The following ZNF410 variants were observed in gnomAD, a reference collection of about 807,000 sequenced individuals.
ZNF410 encodes another partner for ARF 1.
Under a neutral mutation model 54.8 loss-of-function variants are expected in ZNF410, and 18 were observed. The ratio of observed to expected loss-of-function variants is 0.33; its 90% CI spans 0.23 to 0.49. The LOEUF is 0.49. Among genes scored for constraint, ZNF410 ranks in the 20% least tolerant of loss-of-function variants. ZNF410 has a pLI of 0.99. For synonymous variants in ZNF410, 191 were observed against 207.3 expected (o/e 0.92, Z 0.68); for missense variants, 405 against 569.6 (o/e 0.71, Z 2.94).
In ZNF410 at chr14:73,932,147, CT is replaced by C. The variant is rs1566671009; in HGVS notation, c.*609del. On this transcript the variant is annotated 3_prime_UTR_variant, in exon 12 of 12. Transcript: ENST00000555044. ...TGTCCTATACACTTCTACTTGGTCA[CT>C]TTGCTTTCTTCGTTAATGGAACATA... 2.7e-6 allele frequency: 1 copy of C among 374,544 alleles called. No individual in the cohort carries two copies. The allele number at this position is 374,544 out of a possible 1,614,324, so 23.2% of individuals were successfully genotyped here. A position where few individuals can be genotyped will look rare whatever the true frequency, so the allele number is the denominator to read the frequency against.
chr14:73,919,965 A>G lies in ZNF410; in HGVS notation c.1004-1015A>G, dbSNP rs561321154. On this transcript the variant is annotated intron_variant, in intron 8 of 11. Coordinates refer to ENST00000555044, the MANE Select transcript of ZNF410 (RefSeq NM_021188.3). ...GCTTTTTAGTCAGTCTCTGTGATGA[A>G]TATTTACGTTGTTTCCAGTATTTAG... Among the ~76,000 whole-genome samples, 19 of 137,248 alleles carry G rather than the reference A, an allele frequency of 1.4e-4. No individual in the cohort carries two copies. The East Asian group carries it at 4.0e-3, about 29-fold the overall frequency. 90.0% of individuals were successfully genotyped at this position (137,248 alleles called of 152,430 possible).
chr14:73,903,087 C>A (rs1195044420), intron 5 of ZNF410, among the ~76,000 whole-genome samples: 3 of 152,208 alleles, frequency 2.0e-5, no homozygotes, highest in Non-Finnish European at 4.4e-5. Flanking sequence ...AGAGCCCACA[C>A]TGAACCAGAA....
At chr14:73,908,906 A>G (rs1342425371) in intron 7 of ZNF410, among the ~76,000 whole-genome samples, 1 of 152,140 alleles carries the variant, frequency 6.6e-6, no homozygotes, top group African/African-American at 2.4e-5. Context: ...GGAATTTGAG[A>G]TCAGCCTGGG....
At chr14:73,910,225 C>T (rs114117668) in intron 8 of ZNF410, among the ~76,000 whole-genome samples, 217 of 152,256 alleles carry the variant, frequency 1.4e-3, no homozygotes, top group African/African-American at 5.0e-3. Flanking sequence ...ACTTGGCTTA[C>T]TGAAGATTTA....
intron 2 of ZNF410, chr14:73,893,239 C>T (rs888142168): frequency 6.6e-6 from 1 of 152,130 alleles, no homozygotes; most frequent in African/African-American, 2.4e-5. Flanking sequence ...CTCTGTTTGA[C>T]AGAAGGTGGC....
intron 3 of ZNF410, chr14:73,894,459 T>TCGCC (rs1382426797): frequency 4.3e-6 from 3 of 698,250 alleles, no homozygotes; most frequent in Non-Finnish European, 7.8e-6. Flanking sequence ...TGTCACTCTG[T>TCGCC]CGCCCAGGCT....
At chr14:73,894,021 A>C (rs1566650849) in intron 3 of ZNF410, 89 bp downstream of exon 3, 4 of 1,473,140 alleles carry the variant, frequency 2.7e-6, no homozygotes, top group Non-Finnish European at 3.6e-6. Flanking sequence ...ATATCGTTTA[A>C]TAACTGACTG....
chr14:73,932,215 A>AAGTT lies in ZNF410; in HGVS notation c.*676_*679dup. On this transcript the variant is annotated 3_prime_UTR_variant, in exon 12 of 12. Transcript: ENST00000555044. ...GGGATTTCATGTTTTTGTTTTTTTA[A>AAGTT]AGTTAAAAATTACATGATGCAGAGA... 1 of 336,170 alleles carries AAGTT rather than the reference A, an allele frequency of 3.0e-6. No individual in the cohort carries two copies. Among genetic ancestry groups the AAGTT allele is most frequent in the Non-Finnish European group, 5.8e-6 (1 of 173,582 alleles). The allele number at this position is 336,170 out of a possible 1,614,324, so 20.8% of individuals were successfully genotyped here.
intron 11 of ZNF410, among the ~76,000 whole-genome samples, chr14:73,929,807 A>G (rs2055884746): frequency 6.6e-6 from 1 of 150,716 alleles, no homozygotes; most frequent in African/African-American, 2.5e-5. Flanking sequence ...ACAGAGCCAA[A>G]CTCTTTAAAA....
chr14:73,898,641 T>A lies in ZNF410; in HGVS notation c.580+379T>A, dbSNP rs192158323. On this transcript the variant is annotated intron_variant, in intron 5 of 11. Coordinates refer to ENST00000555044, the MANE Select transcript of ZNF410 (RefSeq NM_021188.3). ...TGAAATCAAAACAGTTTTTATCAGTTAATAGGAATAAAACTACCAAATCCA... is the reference window on the plus strand; with the variant it reads ...TGAAATCAAAACAGTTTTTATCAGTAAATAGGAATAAAACTACCAAATCCA... 94 of 293,444 alleles carry A rather than the reference T, an allele frequency of 3.2e-4. No individual in the cohort carries two copies. In the East Asian group the frequency reaches 5.7e-3, roughly 18 times the overall value. 18.2% of individuals were successfully genotyped at this position (293,444 alleles called of 1,614,324 possible).
At chr14:73,892,997 G>A (rs1234295714) in intron 2 of ZNF410, among the ~76,000 whole-genome samples, 2 of 152,150 alleles carry the variant, frequency 1.3e-5, no homozygotes, top group Non-Finnish European at 2.9e-5. Flanking sequence ...CAGGAGAATG[G>A]CGTGAACCCA....
intron 8 of ZNF410, 131 bp downstream of exon 8, chr14:73,909,561 C>T (rs1302821712): frequency 6.0e-6 from 4 of 665,390 alleles, no homozygotes; most frequent in Non-Finnish European, 7.5e-6. Flanking sequence ...TTCTCATCAT[C>T]ATGACAGAAT....
intron 5 of ZNF410, among the ~76,000 whole-genome samples, chr14:73,899,228 C>T (rs2055368732): frequency 6.6e-6 from 1 of 151,506 alleles, no homozygotes; most frequent in Non-Finnish European, 1.5e-5. Context: ...AACTAGAGTT[C>T]CCTATGAATA....
chr14:73,921,773 G>A (rs773259168), intron 9 of ZNF410, among the ~76,000 whole-genome samples: 10 of 151,938 alleles, frequency 6.6e-5, no homozygotes, highest in South Asian at 4.2e-4. Flanking sequence ...TTATTCCTTC[G>A]CCATATCTTT....
intron 4 of ZNF410, among the ~76,000 whole-genome samples, chr14:73,896,773 G>A (rs2055324181): frequency 6.6e-6 from 1 of 152,132 alleles, no homozygotes; most frequent in African/African-American, 2.4e-5. Context: ...GAAGAGCAAG[G>A]CTTGGGGGAG....
Position 73,898,431 on chromosome 14 carries a change from C to T in ZNF410, c.580+169C>T, listed in dbSNP as rs45473501. The T allele has an allele frequency of 1.4e-3, 1,144 of 796,366 alleles. 2 individuals carry two copies. Among genetic ancestry groups the T allele is most frequent in the Admixed American group, 2.2e-3 (76 of 34,780 alleles). The allele number at this position is 796,366 out of a possible 1,614,324, so 49.3% of individuals were successfully genotyped here. Reference sequence around the variant, plus strand: ...TTTTCTATAAAATAACTTGGTCATGCCAGATTTGTGTTCAAAACCAACTAG... The same window carrying T: ...TTTTCTATAAAATAACTTGGTCATGTCAGATTTGTGTTCAAAACCAACTAG... On this transcript the variant is annotated intron_variant, in intron 5 of 11. Transcript: ENST00000555044.
At chr14:73,910,382 G>T (rs1357979487) in intron 8 of ZNF410, among the ~76,000 whole-genome samples, 1 of 152,140 alleles carries the variant, frequency 6.6e-6, no homozygotes, top group East Asian at 1.9e-4. Context: ...CAAATGATTG[G>T]CTGGCTATAA....
chr14:73,897,540 A>G (rs2055337157), intron 4 of ZNF410, among the ~76,000 whole-genome samples: 2 of 152,202 alleles, frequency 1.3e-5, no homozygotes, highest in Admixed American at 1.3e-4. Flanking sequence ...TGGTTGACCA[A>G]GAAAGACAGC....
At chr14:73,894,041 G>A in intron 3 of ZNF410, 109 bp downstream of exon 3, 1 of 1,397,780 alleles carries the variant, frequency 7.2e-7, no homozygotes, top group Non-Finnish European at 9.6e-7. Context: ...GGTGGAAACT[G>A]TAAAAATTAG....
Sources: gnomAD v4.1 joint callset for allele counts (sites outside exome capture counted in the v4.1 genomes callset) on GRCh38, gnomAD v4.1.1 for gene constraint, MANE v1.5 for transcripts, NCBI Gene and HGNC (gene_info 2026-07-23, HGNC 2026-07-21) for gene names.